SLC2A5: variants seen among roughly 807,000 people sequenced by gnomAD.
SLC2A5 encodes the protein solute carrier family 2 member 5.
In SLC2A5, 56 loss-of-function variants were observed where a neutral mutation model predicts 50.3. That is an observed-to-expected ratio of 1.11 (90% CI 0.90 to 1.39). The LOEUF is 1.39. Among genes scored for constraint, SLC2A5 ranks in the 40% most tolerant of loss-of-function variants. The pLI, the probability that SLC2A5 is intolerant of heterozygous loss-of-function variation, is 0.00. For synonymous variants in SLC2A5, 269 were observed against 281.9 expected (o/e 0.95, Z 0.46); for missense variants, 566 against 650.1 (o/e 0.87, Z 1.41).
intron 1 of SLC2A5, among the ~76,000 whole-genome samples, chr1:9,064,946 G>A (rs1249163120): frequency 6.6e-6 from 1 of 151,754 alleles, no homozygotes; most frequent in African/African-American, 2.4e-5. Context: ...CCAGCTACTC[G>A]GGAGGCTGAG....
chr1:9,042,318 A>T (rs555581066), intron 4 of SLC2A5, among the ~76,000 whole-genome samples: 1 of 152,126 alleles, frequency 6.6e-6, no homozygotes, highest in South Asian at 2.1e-4. Context: ...GCACTTGGGG[A>T]GGCTAAGTGG....
upstream of SLC2A5, among the ~76,000 whole-genome samples, chr1:9,070,072 GTTTTTTTT>G (rs56828280): frequency 3.3e-3 from 208 of 62,518 alleles, no homozygotes; most frequent in African/African-American, 0.016. Flanking sequence ...CTCATTTTCT[GTTTTTTTT>G]TTTTTTTTTT....
Position 9,039,516 on chromosome 1 carries a change from TG to T in SLC2A5, c.996+35del, listed in dbSNP as rs781169591. 6.1e-6 allele frequency: 9 copies of T among 1,482,484 alleles called. No homozygotes were observed. In the African/African-American group the frequency reaches 1.3e-4, roughly 21 times the overall value. The allele number at this position is 1,482,484 out of a possible 1,614,324, so 91.8% of individuals were successfully genotyped here. A position where few individuals can be genotyped will look rare whatever the true frequency, so the allele number is the denominator to read the frequency against. On this transcript the variant is annotated intron_variant, in intron 8 of 11. Coordinates refer to ENST00000377424, the MANE Select transcript of SLC2A5 (RefSeq NM_003039.3). ...CTGGGGCGTGGGGCCCGAGGGGCCT[TG>T]GGTGGAGGCTGTGGGCAGCTCCCAG...
At chr1:9,086,387 C>CTTTTTTTTTTTTTTTTT (rs34593630) in intron 1 of SLC2A5, among the ~76,000 whole-genome samples, 2 of 140,556 alleles carry the variant, frequency 1.4e-5, no homozygotes, top group African/African-American at 5.3e-5. Flanking sequence ...TTTTCTCTCT[C>CTTTTTTTTTTTTTTTTT]TTTTTTTTTT....
intron 1 of SLC2A5, among the ~76,000 whole-genome samples, chr1:9,060,862 T>G (rs1003985610): frequency 5.3e-5 from 8 of 151,892 alleles, no homozygotes; most frequent in Non-Finnish European, 1.0e-4. Context: ...TTGCTCTAAG[T>G]GTTGGGGATA....
At position 9,037,250 on chromosome 1, in the gene SLC2A5, T is replaced by C. The variant is rs370653540; in HGVS notation, c.*336A>G. Reference sequence around the variant, plus strand: ...CATCTCACCACTATAGTAACTGTTGTTGTTATGTTACCAGGAGCCACACAA... The same window carrying C: ...CATCTCACCACTATAGTAACTGTTGCTGTTATGTTACCAGGAGCCACACAA... On this transcript the variant is annotated 3_prime_UTR_variant, in exon 12 of 12. Transcript: ENST00000377424. The C allele has an allele frequency of 1.1e-4, 33 of 307,592 alleles. No individual in the cohort carries two copies. The highest frequency in any genetic ancestry group is 6.8e-4 in the African/African-American group (32 of 46,746). The allele number at this position is 307,592 out of a possible 1,614,324, so 19.1% of individuals were successfully genotyped here. A position where few individuals can be genotyped will look rare whatever the true frequency, so the allele number is the denominator to read the frequency against.
intron 9 of SLC2A5, 67 bp from the exon 10 acceptor site, chr1:9,038,573 A>C: frequency 7.1e-7 from 1 of 1,415,774 alleles, no homozygotes; most frequent in Non-Finnish European, 9.9e-7. Flanking sequence ...GGGGGCGGCC[A>C]ACCTGCCCTG....
At chr1:9,044,202 A>G (rs1429648592) in intron 4 of SLC2A5, among the ~76,000 whole-genome samples, 2 of 151,840 alleles carry the variant, frequency 1.3e-5, no homozygotes, top group African/African-American at 2.4e-5. Flanking sequence ...ACGGTGGCAC[A>G]TGCCTACAGT....
At chr1:9,061,949 A>G (rs1157300410) in intron 1 of SLC2A5, among the ~76,000 whole-genome samples, 1 of 152,238 alleles carries the variant, frequency 6.6e-6, no homozygotes, top group African/African-American at 2.4e-5. Context: ...ATCAGGCTAT[A>G]GAGTCTCTGA....
chr1:9,090,020 G>A (rs188560043), upstream of SLC2A5, among the ~76,000 whole-genome samples: 53 of 152,240 alleles, frequency 3.5e-4, no homozygotes, highest in Middle Eastern at 0.02. Flanking sequence ...ACATTCATCC[G>A]TTTCTGTTGG....
Position 9,041,868 on chromosome 1 carries a change from C to A in SLC2A5, c.488G>T (p.Gly163Val). 6.2e-7 allele frequency: 1 copy of A among 1,613,996 alleles called. No homozygotes were observed. The highest frequency in any genetic ancestry group is 1.6e-4 in the Middle Eastern group (1 of 6,062). Residue 163 changes from glycine (G) to valine (V), a missense_variant, in exon 5 of 12, where the codon GGG becomes GTG. Physicochemically the swap from Gly to Val is moderately radical, Grantham distance 109 (BLOSUM62 -3). Coordinates refer to ENST00000377424, the MANE Select transcript of SLC2A5 (RefSeq NM_003039.3). The stretch of plus-strand genomic sequence containing the variant: ...AGTGATGAAGAGCTGGGGCACCACC[C>A]CGAGAGCCCCCCGCAGGTTTTTAGG... Reference protein sequence around the residue: ...LAPKNLRGALGVVPQLFITVG... With the variant: ...LAPKNLRGALVVVPQLFITVG...
chr1:9,038,069 G>A (rs576107616), intron 10 of SLC2A5, 45 bp from the exon 11 acceptor site: 37 of 1,604,344 alleles, frequency 2.3e-5, no homozygotes, highest in African/African-American at 1.2e-4. Flanking sequence ...GAGCGGGCCC[G>A]AGCATCCCAG....
upstream of SLC2A5, among the ~76,000 whole-genome samples, chr1:9,070,031 G>T (rs1384831782): frequency 6.8e-6 from 1 of 146,392 alleles, no homozygotes; most frequent in Non-Finnish European, 1.5e-5. Flanking sequence ...TTTTGCCCAA[G>T]TCACCGTGTA....
rs1029397126 is a variant in SLC2A5, at chr1:9,040,473, C to G, written c.572-284G>C. The G allele has an allele frequency of 7.5e-6, 3 of 397,380 alleles. No homozygotes were observed. Among genetic ancestry groups the G allele is most frequent in the African/African-American group, 6.3e-5 (3 of 47,298 alleles). The allele number at this position is 397,380 out of a possible 1,614,324, so 24.6% of individuals were successfully genotyped here. A position where few individuals can be genotyped will look rare whatever the true frequency, so the allele number is the denominator to read the frequency against. ...GTCCCCGTGTCCTTCAGAGGACAGT[C>G]TTGCAGGGGCTGGAGGAGCTGGGCA... On this transcript the variant is annotated intron_variant, in intron 5 of 11. Coordinates refer to ENST00000377424, the MANE Select transcript of SLC2A5 (RefSeq NM_003039.3). The surrounding 1 kb of genome is among the most constrained non-coding windows in gnomAD (Gnocchi z 4.3).
exon 1 of SLC2A5, chr1:9,088,425 T>A (rs1283577022): frequency 6.6e-6 from 1 of 152,422 alleles, no homozygotes; most frequent in East Asian, 1.9e-4. Flanking sequence ...CAACCACCCC[T>A]GGTGGTGGTT....
At chr1:9,059,462 G>A (rs1641851033) in intron 1 of SLC2A5, among the ~76,000 whole-genome samples, 1 of 151,224 alleles carries the variant, frequency 6.6e-6, no homozygotes, top group African/African-American at 2.4e-5. Flanking sequence ...CCTTTCACAG[G>A]TAACACAGGT....
intron 1 of SLC2A5, among the ~76,000 whole-genome samples, chr1:9,085,471 A>G (rs1642392569): frequency 6.6e-6 from 1 of 152,238 alleles, no homozygotes; most frequent in Admixed American, 6.5e-5. Context: ...TGTCTGTAAG[A>G]TAAGAGGTTG....
chr1:9,075,790 A>G (rs1424946405), intron 2 of SLC2A5, among the ~76,000 whole-genome samples: 1 of 151,912 alleles, frequency 6.6e-6, no homozygotes, highest in Non-Finnish European at 1.5e-5. Context: ...CCTCCCAAGT[A>G]GTTGGGATTA....
At chr1:9,073,261 C>T (rs1267901908), upstream of SLC2A5, 2 of 152,276 alleles carry the variant, frequency 1.3e-5, no homozygotes, top group Non-Finnish European at 2.9e-5. Flanking sequence ...GTCAGTGCCT[C>T]TTCTGTAGTA....
Sources: allele counts gnomAD v4.1 joint callset (sites outside exome capture counted in the v4.1 genomes callset), GRCh38; gene constraint gnomAD v4.1.1; non-coding constraint Gnocchi (gnomAD v3.1); transcripts MANE v1.5; gene names NCBI Gene and HGNC (gene_info 2026-07-23, HGNC 2026-07-21).